The following NEBL variants were observed in gnomAD, a reference collection of about 807,000 sequenced individuals.
The protein encoded by NEBL is nebulette.
A neutral mutation model predicts 140.2 loss-of-function variants in NEBL; 122 were observed. The observed-to-expected ratio is 0.87, with a 90% confidence interval of 0.75 to 1.01. NEBL has a LOEUF of 1.01. NEBL is among the 50% of genes least tolerant of loss of function. NEBL has a pLI of 0.00. For synonymous variants in NEBL, 436 were observed against 398.9 expected, an observed-to-expected ratio of 1.09 and a Z score of -1.11; for missense variants, 1,365 against 1,231.3, an observed-to-expected ratio of 1.11 and a Z score of -1.62.
chr10:21,043,510 C>T (rs1834361718), intron 2 of NEBL, among the ~76,000 whole-genome samples: 1 of 152,188 alleles, frequency 6.6e-6, no homozygotes, highest in Non-Finnish European at 1.5e-5. Flanking sequence ...TTCTCTTTAA[C>T]TAAATAGCAT....
At chr10:20,928,381 A>T (rs1834013768) in intron 4 of NEBL, among the ~76,000 whole-genome samples, 1 of 152,214 alleles carries the variant, frequency 6.6e-6, no homozygotes, top group Non-Finnish European at 1.5e-5. Flanking sequence ...AGGTAAAAAA[A>T]TTACTCTGGG....
At chr10:21,274,251 T>C (rs1416978500) in intron 1 of NEBL, among the ~76,000 whole-genome samples, 1 of 151,966 alleles carries the variant, frequency 6.6e-6, no homozygotes, top group Non-Finnish European at 1.5e-5. Context: ...AATGCAGGAG[T>C]TATGGGTGAT....
intron 2 of NEBL, among the ~76,000 whole-genome samples, chr10:21,105,443 T>A (rs887004951): frequency 6.6e-6 from 1 of 152,144 alleles, no homozygotes; most frequent in East Asian, 1.9e-4. Context: ...GGTGTTTGGT[T>A]TTCTGTCCTT....
intron 3 of NEBL, among the ~76,000 whole-genome samples, chr10:21,237,744 C>G (rs1842377494): frequency 6.6e-6 from 1 of 151,954 alleles, no homozygotes. Context: ...GTAGCTGAGA[C>G]TACAGGTGTA....
At chr10:20,850,365 A>T in intron 11 of NEBL, 30 bp downstream of exon 11, 2 of 1,458,328 alleles carry the variant, frequency 1.4e-6, no homozygotes, top group Non-Finnish European at 1.9e-6. Context: ...AATTTACATT[A>T]AACAATTAGT....
intron 2 of NEBL, among the ~76,000 whole-genome samples, chr10:21,132,621 AT>A (rs149441387): frequency 0.014 from 2,156 of 152,268 alleles, 48 homozygotes; most frequent in African/African-American, 0.049. Flanking sequence ...TGAGAGTTCC[AT>A]TTTGTCCACA....
chr10:21,256,754 C>G (rs998429656), intron 1 of NEBL, among the ~76,000 whole-genome samples: 1 of 152,174 alleles, frequency 6.6e-6, no homozygotes, highest in African/African-American at 2.4e-5. Context: ...TCCAGAAACT[C>G]CTTGAGCCCA....
At chr10:21,146,429 G>A in intron 2 of NEBL, 4 of 1,613,514 alleles carry the variant, frequency 2.5e-6, no homozygotes, top group Non-Finnish European at 3.4e-6. Context: ...TCTCATATAA[G>A]CTAGAGGACA....
intron 2 of NEBL, among the ~76,000 whole-genome samples, chr10:21,147,299 C>T (rs1052758971): frequency 1.3e-5 from 2 of 152,100 alleles, no homozygotes; most frequent in Non-Finnish European, 2.9e-5. Context: ...GGAACCTTCG[C>T]CCAGTTTCTC....
chr10:20,946,004 T>C (rs1203271812), intron 4 of NEBL, among the ~76,000 whole-genome samples: 3 of 152,288 alleles, frequency 2.0e-5, no homozygotes, highest in Non-Finnish European at 4.4e-5. Flanking sequence ...ATAAGTGAAA[T>C]AACAAACATG....
At chr10:21,290,803 C>T (rs927154448) in intron 1 of NEBL, among the ~76,000 whole-genome samples, 1 of 152,148 alleles carries the variant, frequency 6.6e-6, no homozygotes, top group Admixed American at 6.5e-5. Context: ...GTACCTACAC[C>T]CCCCATTTCC....
At chr10:20,886,287 C>G (rs1332423310) in intron 4 of NEBL, among the ~76,000 whole-genome samples, 2 of 151,932 alleles carry the variant, frequency 1.3e-5, no homozygotes. Context: ...CTTTGGGAGT[C>G]TGAGGTGGGC....
chr10:20,791,572 T>C (rs1458266911), intron 26 of NEBL, among the ~76,000 whole-genome samples: 1 of 152,004 alleles, frequency 6.6e-6, no homozygotes, highest in African/African-American at 2.4e-5. Context: ...ATTTTTTTTT[T>C]TCCCTACAGA....
chr10:20,836,071 T>C (rs1037263915), intron 13 of NEBL, among the ~76,000 whole-genome samples: 7 of 152,088 alleles, frequency 4.6e-5, no homozygotes, highest in African/African-American at 1.7e-4. Context: ...GCTTTGTAGA[T>C]ATTGCATTTT....
intron 3 of NEBL, among the ~76,000 whole-genome samples, chr10:21,198,060 TA>T (rs1432067210): frequency 1.3e-5 from 2 of 151,968 alleles, no homozygotes. Flanking sequence ...GGTGTGTTGG[TA>T]AATTACACAG....
chr10:21,267,118 G>A (rs1203468702), intron 1 of NEBL, among the ~76,000 whole-genome samples: 1 of 152,088 alleles, frequency 6.6e-6, no homozygotes, highest in Non-Finnish European at 1.5e-5. Flanking sequence ...GGGATTACAG[G>A]TGCTCGCCAC....
intron 5 of NEBL, among the ~76,000 whole-genome samples, chr10:20,871,642 C>G (rs904352420): frequency 1.3e-5 from 2 of 152,080 alleles, no homozygotes; most frequent in African/African-American, 2.4e-5. Flanking sequence ...CAAGTGAACA[C>G]AGCTGAAACA....
At position 20,817,644 on chromosome 10, in the gene NEBL, G is replaced by A. The variant is rs780795108; in HGVS notation, c.2104C>T (p.Pro702Ser). Residue 702 changes from proline (P) to serine (S), a missense_variant, in exon 21 of 28, where the codon CCA becomes TCA. Pro to Ser is a moderately conservative substitution (Grantham distance 74, BLOSUM62 -1). This residue lies in a region of NEBL where 1,323 missense variants were observed against 1,154.8 expected (regional missense o/e 1.15). Transcript: ENST00000377122. ...LQRGTAISDP[P>S]ELKRAKENQK... is the part of the protein sequence containing the mutation. ...TTTTCTTTTGCCCTCTTCAGCTCTG[G>A]TGGATCAGAAATTGCAGTTCCCCGT... 8.1e-6 allele frequency: 13 copies of A among 1,613,854 alleles called. No homozygotes were observed. Among genetic ancestry groups the A allele is most frequent in the Non-Finnish European group, 1.1e-5 (13 of 1,179,904 alleles).
At chr10:20,969,737 G>T (rs1443714044) in intron 3 of NEBL, among the ~76,000 whole-genome samples, 1 of 151,460 alleles carries the variant, frequency 6.6e-6, no homozygotes, top group African/African-American at 2.4e-5. Context: ...GTAGAGACAG[G>T]GTTTTGCCAT....
Sources: allele counts gnomAD v4.1 joint callset (sites outside exome capture counted in the v4.1 genomes callset), GRCh38; gene constraint gnomAD v4.1.1; regional missense constraint gnomAD v4.1.1; transcripts MANE v1.5; gene names NCBI Gene and HGNC (gene_info 2026-07-23, HGNC 2026-07-21).